The following SGCD variants were observed in gnomAD, a reference collection of about 807,000 sequenced individuals.
SGCD encodes sarcoglycan delta, also known as delta-sarcoglycan.
SGCD carries 18 observed loss-of-function variants against 36.6 expected under a neutral mutation model. The ratio of observed to expected loss-of-function variants is 0.49; its 90% CI spans 0.34 to 0.73. The LOEUF (loss-of-function observed/expected upper bound fraction) is 0.73. Among genes scored for constraint, SGCD ranks in the 30% least tolerant of loss-of-function variants. SGCD has a pLI of 0.01. For synonymous variants in SGCD, 133 were observed against 130.6 expected, an observed-to-expected ratio of 1.02 and a Z score of -0.12; for missense variants, 387 against 346.7, an observed-to-expected ratio of 1.12 and a Z score of -0.92.
At chr5:155,780,283 T>C in the SGCD span, among the ~76,000 whole-genome samples, 1,507 of 152,286 alleles carry the variant, frequency 9.9e-3, 5 homozygotes, top group Non-Finnish European at 0.014. Context: ...TTTAGAGCCA[T>C]ATTGTGTTGT....
intron 1 of SGCD, among the ~76,000 whole-genome samples, chr5:155,886,280 C>T (rs244980): frequency 0.43 from 65,034 of 151,990 alleles, 16,555 homozygotes; most frequent in Non-Finnish European, 0.58. Flanking sequence ...ATGTGGAGCT[C>T]CCTGGCCATC....
chr5:156,667,729 A>C (rs1373153303), intron 7 of SGCD, among the ~76,000 whole-genome samples: 1 of 152,182 alleles, frequency 6.6e-6, no homozygotes, highest in Non-Finnish European at 1.5e-5. Context: ...TCCTAGTCCT[A>C]ATGCCTAGAA....
the SGCD span, among the ~76,000 whole-genome samples, chr5:155,739,342 G>C: frequency 2.0e-5 from 3 of 152,234 alleles, no homozygotes; most frequent in East Asian, 5.8e-4. Flanking sequence ...ATGTGGGACT[G>C]TGAGTTTCAC....
chr5:156,606,774 G>T (rs1319165500), intron 6 of SGCD, among the ~76,000 whole-genome samples: 1 of 152,112 alleles, frequency 6.6e-6, no homozygotes, highest in South Asian at 2.1e-4. Flanking sequence ...TCCCTTGTAA[G>T]TTGGATTCCT....
At chr5:156,515,458 G>A (rs921486912) in intron 4 of SGCD, among the ~76,000 whole-genome samples, 2 of 152,126 alleles carry the variant, frequency 1.3e-5, no homozygotes, top group East Asian at 1.9e-4. Context: ...AGGTATCCAG[G>A]TTCTCTCACT....
intron 3 of SGCD, among the ~76,000 whole-genome samples, chr5:156,233,862 G>A (rs978445530): frequency 2.6e-5 from 4 of 152,092 alleles, no homozygotes; most frequent in African/African-American, 9.7e-5. Flanking sequence ...TCTAGCATGG[G>A]GAACAGAGTG....
chr5:156,033,316 C>T (rs1379751158), intron 1 of SGCD, among the ~76,000 whole-genome samples: 1 of 152,060 alleles, frequency 6.6e-6, no homozygotes, highest in African/African-American at 2.4e-5. Context: ...AAGGTTTGTG[C>T]TTCTAGTGTA....
chr5:156,355,853 T>G (rs921956459), intron 3 of SGCD, among the ~76,000 whole-genome samples: 4 of 152,210 alleles, frequency 2.6e-5, no homozygotes, highest in African/African-American at 9.6e-5. Flanking sequence ...GCCAGGCTGG[T>G]CTTGAATTCC....
At chr5:155,973,092 G>A (rs748341983) in intron 1 of SGCD, among the ~76,000 whole-genome samples, 1 of 151,948 alleles carries the variant, frequency 6.6e-6, no homozygotes, top group Non-Finnish European at 1.5e-5. Context: ...TGGCTTTACC[G>A]CAAGGCAAAG....
chr5:156,564,135 T>A (rs1759380810), intron 4 of SGCD, among the ~76,000 whole-genome samples: 1 of 152,204 alleles, frequency 6.6e-6, no homozygotes, highest in South Asian at 2.1e-4. Flanking sequence ...TCTCCCAAGA[T>A]CACCATAAAT....
chr5:156,466,938 G>A (rs1012410218), intron 3 of SGCD, among the ~76,000 whole-genome samples: 3 of 152,040 alleles, frequency 2.0e-5, no homozygotes, highest in Non-Finnish European at 2.9e-5. Flanking sequence ...AAGCCACAAA[G>A]GGCCTGTAGT....
At chr5:156,431,806 C>T (rs1204475392) in intron 3 of SGCD, among the ~76,000 whole-genome samples, 1 of 152,140 alleles carries the variant, frequency 6.6e-6, no homozygotes, top group African/African-American at 2.4e-5. Context: ...ACCTCTGCCT[C>T]CCCAGTTCAG....
At chr5:155,779,151 A>G in the SGCD span, among the ~76,000 whole-genome samples, 1 of 152,210 alleles carries the variant, frequency 6.6e-6, no homozygotes, top group Non-Finnish European at 1.5e-5. Flanking sequence ...CACTGGTTCC[A>G]TATTTTAATT....
intron 3 of SGCD, among the ~76,000 whole-genome samples, chr5:156,138,698 T>C (rs1762512888): frequency 6.6e-6 from 1 of 152,234 alleles, no homozygotes; most frequent in African/African-American, 2.4e-5. Context: ...TTCACTTCTT[T>C]TGAGTGAATA....
chr5:155,879,119 A>T (rs1755823791), intron 1 of SGCD, among the ~76,000 whole-genome samples: 1 of 152,108 alleles, frequency 6.6e-6, no homozygotes, highest in East Asian at 1.9e-4. Flanking sequence ...AGACAGACTG[A>T]ATTTAGTAAT....
chr5:156,611,458 T>C (rs1761805872), intron 6 of SGCD, among the ~76,000 whole-genome samples: 1 of 152,266 alleles, frequency 6.6e-6, no homozygotes, highest in African/African-American at 2.4e-5. Flanking sequence ...CTGCAAGGTT[T>C]CTTTTGAGAA....
intron 4 of SGCD, among the ~76,000 whole-genome samples, chr5:156,565,101 T>C (rs1484960543): frequency 6.6e-6 from 1 of 152,246 alleles, no homozygotes; most frequent in African/African-American, 2.4e-5. Flanking sequence ...GGACATAAAT[T>C]TCTATTGACT....
At chr5:156,397,140 A>G (rs1044038210) in intron 3 of SGCD, among the ~76,000 whole-genome samples, 4 of 152,200 alleles carry the variant, frequency 2.6e-5, no homozygotes, top group Non-Finnish European at 4.4e-5. Flanking sequence ...TATATTCAGT[A>G]TCTGGACTTT....
intron 2 of SGCD, among the ~76,000 whole-genome samples, chr5:156,342,814 A>G (rs1768734824): frequency 6.6e-6 from 1 of 152,220 alleles, no homozygotes; most frequent in African/African-American, 2.4e-5. Flanking sequence ...ATACCCCCAG[A>G]CAGCAGCAGA....
Sources: allele counts gnomAD v4.1 joint callset (sites outside exome capture counted in the v4.1 genomes callset), GRCh38; gene constraint gnomAD v4.1.1; transcripts MANE v1.5; gene names NCBI Gene and HGNC (gene_info 2026-07-23, HGNC 2026-07-21).